The following RBMS2 variants were observed in gnomAD, a reference collection of about 807,000 sequenced individuals.
RBMS2 encodes the protein RNA binding motif single stranded interacting protein 2, also known as RNA-binding motif, single-stranded-interacting protein 2.
In RBMS2, 38 loss-of-function variants were observed where a neutral mutation model predicts 58.4. The observed-to-expected ratio is 0.65, with a 90% CI of 0.50 to 0.85. The LOEUF is 0.85. RBMS2 is among the 40% of genes least tolerant of loss of function. RBMS2 has a pLI of 0.00. For synonymous variants in RBMS2, 151 were observed against 180.7 expected (o/e 0.84, Z 1.32); for missense variants, 367 against 503.7 (o/e 0.73, Z 2.60).
Position 56,595,487 on chromosome 12 carries a change from A to ACTT in RBMS2, c.*6355_*6357dup, listed in dbSNP as rs1358543820. ...TCTATGCCAATGCCACCATTCTAAA[A>ACTT]CTTACACTCCTTTTCTACCCCTGGT... On this transcript the variant is annotated 3_prime_UTR_variant, in exon 14 of 14. Coordinates refer to ENST00000262031, the MANE Select transcript of RBMS2 (RefSeq NM_002898.4). 1 of 151,754 alleles carries ACTT rather than the reference A, an allele frequency of 6.6e-6. No homozygotes were observed. Among genetic ancestry groups the ACTT allele is most frequent in the African/African-American group, 2.4e-5 (1 of 41,302 alleles). 9.4% of individuals were successfully genotyped at this position (151,754 alleles called of 1,614,324 possible). A position where few individuals can be genotyped will look rare whatever the true frequency, so the allele number is the denominator to read the frequency against.
rs370403277 is a variant in RBMS2 at position 56,588,919 on chromosome 12, G to T, written c.1144-13G>T. ...AATGCGCAAGATGACCCCCCTCCTT[G>T]GCTATGGCACAGGAGAGCAGCGGCC... On this transcript the variant is annotated splice_polypyrimidine_tract_variant and intron_variant, in intron 12 of 13. Transcript: ENST00000262031. 4 of 1,613,450 alleles carry T rather than the reference G, an allele frequency of 2.5e-6. No homozygotes were observed. The African/African-American group carries it at 5.3e-5, about 22-fold the overall frequency.
At chr12:56,552,511 G>A (rs1026293995) in intron 1 of RBMS2, among the ~76,000 whole-genome samples, 2 of 152,150 alleles carry the variant, frequency 1.3e-5, no homozygotes, top group Admixed American at 6.6e-5. Context: ...GCAGCCACAC[G>A]TAAAAGCAGA....
chr12:56,565,745 C>G (rs1478385329), intron 2 of RBMS2, among the ~76,000 whole-genome samples: 3 of 152,042 alleles, frequency 2.0e-5, no homozygotes, highest in Non-Finnish European at 4.4e-5. Context: ...GACTTCCTGC[C>G]TTTGTCCCAG....
In RBMS2 at chr12:56,566,949, A is replaced by G. The variant is rs1005468771; in HGVS notation, c.234-2026A>G. 2.0e-5 allele frequency among the ~76,000 whole-genome samples: 3 copies of G among 152,260 alleles called. No homozygotes were observed. In the East Asian group the frequency reaches 5.8e-4, roughly 29 times the overall value. Reference sequence around the variant, plus strand: ...TCAAAGAGCATTTGAGGAACTATTTATAGGAAATGAAGAAAGAATGTTGGA... The same window carrying G: ...TCAAAGAGCATTTGAGGAACTATTTGTAGGAAATGAAGAAAGAATGTTGGA... On this transcript the variant is annotated intron_variant, in intron 2 of 13. Transcript: ENST00000262031.
At chr12:56,581,107 G>A in intron 5 of RBMS2, 77 bp from the exon 6 acceptor site, 1 of 1,237,172 alleles carries the variant, frequency 8.1e-7, no homozygotes, top group Non-Finnish European at 1.2e-6. Context: ...GGAACTTAGA[G>A]CTTTGCTTTC....
chr12:56,583,381 C>T (rs552884333), intron 9 of RBMS2, among the ~76,000 whole-genome samples: 8 of 152,220 alleles, frequency 5.3e-5, no homozygotes, highest in Admixed American at 2.0e-4. Flanking sequence ...TTGCTGGGCA[C>T]GGTGGCTCAT....
In RBMS2 at chr12:56,591,816, GT is replaced by G. The variant is rs1178947505; in HGVS notation, c.*2687del. 1 of 151,746 alleles carries G rather than the reference GT, an allele frequency of 6.6e-6. No individual in the cohort carries two copies. Among genetic ancestry groups the G allele is most frequent in the African/African-American group, 2.4e-5 (1 of 41,250 alleles). The allele number at this position is 151,746 out of a possible 1,614,324, so 9.4% of individuals were successfully genotyped here. ...AATGTTTAAATGGCTCTAATTTTTT[GT>G]TTTGAATTTTGAATTTACCTTTTGG... On this transcript the variant is annotated 3_prime_UTR_variant, in exon 14 of 14. Coordinates refer to ENST00000262031, the MANE Select transcript of RBMS2 (RefSeq NM_002898.4).
chr12:56,569,003 A>C lies in RBMS2; in HGVS notation c.262A>C (p.Ile88Leu). ...PYGKIVSTKAILDKTTNKCKG... is the reference protein window; with the variant it reads ...PYGKIVSTKALLDKTTNKCKG... ...TGGCAAGATTGTTTCCACTAAGGCCATACTGGACAAGACCACAAACAAATG... is the reference window on the plus strand; with the variant it reads ...TGGCAAGATTGTTTCCACTAAGGCCCTACTGGACAAGACCACAAACAAATG... The change falls in exon 3 of 14, where the codon ATA becomes CTA. Residue 88 changes from isoleucine (I) to leucine (L), a missense_variant. Ile to Leu is a conservative substitution (Grantham distance 5). Transcript: ENST00000262031. 6.2e-7 allele frequency: 1 copy of C among 1,613,304 alleles called. No homozygotes were observed. The highest frequency in any genetic ancestry group is 1.1e-5 in the South Asian group (1 of 91,066).
chr12:56,575,390 T>G (rs548832172), intron 5 of RBMS2, among the ~76,000 whole-genome samples: 1 of 151,936 alleles, frequency 6.6e-6, no homozygotes, highest in South Asian at 2.1e-4. Flanking sequence ...TCAACCATGA[T>G]CACACCACTG....
chr12:56,542,253 C>T (rs1876227557), intron 1 of RBMS2, among the ~76,000 whole-genome samples: 1 of 151,340 alleles, frequency 6.6e-6, no homozygotes, highest in Admixed American at 6.6e-5. Flanking sequence ...TTTGTAGAGA[C>T]AGAGTTTCGC....
At chr12:56,576,104 G>A (rs1020876063) in intron 5 of RBMS2, among the ~76,000 whole-genome samples, 4 of 152,012 alleles carry the variant, frequency 2.6e-5, no homozygotes, top group Non-Finnish European at 4.4e-5. Flanking sequence ...TTGGGAGGCC[G>A]AGGCGAGCAG....
upstream of RBMS2, among the ~76,000 whole-genome samples, chr12:56,520,982 C>T (rs941208069): frequency 3.3e-5 from 5 of 152,272 alleles, no homozygotes; most frequent in South Asian, 4.1e-4. Flanking sequence ...ACTCATTCCT[C>T]GGAGAATCTG....
intron 1 of RBMS2, among the ~76,000 whole-genome samples, chr12:56,556,765 G>C (rs1484147600): frequency 6.6e-6 from 1 of 152,160 alleles, no homozygotes; most frequent in African/African-American, 2.4e-5. Context: ...AAGAAGTATA[G>C]AGGTAAAACT....
Position 56,538,021 on chromosome 12 carries a change from AT to A in RBMS2, c.66+15936del, listed in dbSNP as rs869057749. On this transcript the variant is annotated intron_variant, in intron 1 of 13. Coordinates refer to ENST00000262031, the MANE Select transcript of RBMS2 (RefSeq NM_002898.4). ...TCTATTCAAGTCCTTTGCTTATTTTATTTTATTTATTTATTTATTTATTTAT... is the reference window on the plus strand; with the variant it reads ...TCTATTCAAGTCCTTTGCTTATTTTATTTATTTATTTATTTATTTATTTAT... 7.9e-5 allele frequency among the ~76,000 whole-genome samples: 8 copies of A among 101,572 alleles called. No individual in the cohort carries two copies. In the East Asian group the frequency reaches 1.0e-3, roughly 13 times the overall value. 66.6% of individuals were successfully genotyped at this position (101,572 alleles called of 152,430 possible). A position where few individuals can be genotyped will look rare whatever the true frequency, so the allele number is the denominator to read the frequency against.
chr12:56,521,258 G>A (rs548910048), upstream of RBMS2, among the ~76,000 whole-genome samples: 3 of 151,918 alleles, frequency 2.0e-5, no homozygotes, highest in South Asian at 4.2e-4. Context: ...GCGAAACCCC[G>A]TCCCTACTAA....
intron 9 of RBMS2, among the ~76,000 whole-genome samples, chr12:56,584,418 C>T (rs1884382826): frequency 7.0e-6 from 1 of 143,868 alleles, no homozygotes; most frequent in Non-Finnish European, 1.5e-5. Context: ...TGCAACAGAG[C>T]AAGACCATGT....
At position 56,591,669 on chromosome 12, in the gene RBMS2, G is replaced by T. The variant is rs1286817590; in HGVS notation, c.*2536G>T. 1 of 152,050 alleles carries T rather than the reference G, an allele frequency of 6.6e-6. No homozygotes were observed. Among genetic ancestry groups the T allele is most frequent in the Non-Finnish European group, 1.5e-5 (1 of 68,002 alleles). 9.4% of individuals were successfully genotyped at this position (152,050 alleles called of 1,614,324 possible). On this transcript the variant is annotated 3_prime_UTR_variant, in exon 14 of 14. Transcript: ENST00000262031. ...GATAGACCGGGGGAGCTTTGCTATGGTAGGAGGTTTAGGAAGGGCCTTTCA... is the reference window on the plus strand; with the variant it reads ...GATAGACCGGGGGAGCTTTGCTATGTTAGGAGGTTTAGGAAGGGCCTTTCA...
At chr12:56,544,739 C>A (rs1247873390) in intron 1 of RBMS2, among the ~76,000 whole-genome samples, 1 of 148,772 alleles carries the variant, frequency 6.7e-6, no homozygotes, top group Admixed American at 7.1e-5. Flanking sequence ...TGCCACCATG[C>A]CCAGCTAATT....
At chr12:56,583,829 T>A (rs2136570976) in intron 9 of RBMS2, among the ~76,000 whole-genome samples, 1 of 152,368 alleles carries the variant, frequency 6.6e-6, no homozygotes, top group Non-Finnish European at 1.5e-5. Flanking sequence ...GGTTATTTGT[T>A]CTTTTCCCAT....
Sources: allele counts gnomAD v4.1 joint callset (sites outside exome capture counted in the v4.1 genomes callset), GRCh38; gene constraint gnomAD v4.1.1; transcripts MANE v1.5; gene names NCBI Gene and HGNC (gene_info 2026-07-23, HGNC 2026-07-21).